Variants in FGFR1 observed in about 807,000 individuals in gnomAD.
FGFR1 encodes the protein fibroblast growth factor receptor 1.
FGFR1 carries 18 observed loss-of-function variants against 93.7 expected under a neutral mutation model. That is an observed-to-expected ratio of 0.19 (90% CI 0.13 to 0.28). The LOEUF is 0.28. Ranked by LOEUF, FGFR1 falls within the 10% of genes least tolerant of loss-of-function variation. The pLI is 1.00. For synonymous variants in FGFR1, 448 were observed against 429.3 expected, an observed-to-expected ratio of 1.04 and a Z score of -0.54; for missense variants, 731 against 1,080.4, an observed-to-expected ratio of 0.68 and a Z score of 4.53.
intron 7 of FGFR1, chr8:38,423,186 C>T: frequency 1.3e-6 from 1 of 778,606 alleles, no homozygotes; most frequent in Non-Finnish European, 2.4e-6. Context: ...CTGGAACAAA[C>T]CAACGACACA....
At chr8:38,453,945 G>A (rs1457520660) in intron 2 of FGFR1, among the ~76,000 whole-genome samples, 1 of 152,044 alleles carries the variant, frequency 6.6e-6, no homozygotes, top group Non-Finnish European at 1.5e-5. Context: ...AAACTCCTGG[G>A]CTCAAGTGAT....
intron 8 of FGFR1, among the ~76,000 whole-genome samples, chr8:38,421,273 C>T (rs769497970): frequency 6.6e-6 from 1 of 152,214 alleles, no homozygotes; most frequent in Non-Finnish European, 1.5e-5. Flanking sequence ...TGAGACAGGC[C>T]TTTCTGAAGG....
intron 12 of FGFR1, 31 bp downstream of exon 12, chr8:38,417,275 G>T (rs371405870): frequency 3.2e-6 from 5 of 1,543,990 alleles, no homozygotes; most frequent in Non-Finnish European, 4.5e-6. Context: ...CTCCCCGCTG[G>T]GCAGGGAAAG....
At chr8:38,443,989 G>A (rs1030611395) in intron 2 of FGFR1, among the ~76,000 whole-genome samples, 3 of 144,834 alleles carry the variant, frequency 2.1e-5, no homozygotes, top group Non-Finnish European at 4.5e-5. Context: ...GGAGGTGGAG[G>A]TTGCAGTGAG....
At chr8:38,460,342 C>T (rs187458861) in intron 1 of FGFR1, among the ~76,000 whole-genome samples, 17 of 152,274 alleles carry the variant, frequency 1.1e-4, no homozygotes, top group Admixed American at 5.9e-4. Context: ...CGAAAATACA[C>T]CTGATGCAGG....
chr8:38,462,623 T>G (rs1834659650), intron 1 of FGFR1, among the ~76,000 whole-genome samples: 1 of 152,046 alleles, frequency 6.6e-6, no homozygotes, highest in African/African-American at 2.4e-5. Context: ...TTCCTTTCTT[T>G]TTTTCTTTGA....
intron 2 of FGFR1, among the ~76,000 whole-genome samples, chr8:38,438,460 T>C (rs1198043369): frequency 7.3e-5 from 11 of 151,512 alleles, no homozygotes; most frequent in Admixed American, 7.2e-4. Context: ...GGAGAATCAC[T>C]TGAACCTAGG....
At chr8:38,447,136 C>T (rs1251238320) in intron 2 of FGFR1, among the ~76,000 whole-genome samples, 7 of 149,144 alleles carry the variant, frequency 4.7e-5, no homozygotes, top group Non-Finnish European at 1.0e-4. Context: ...CACACACACA[C>T]ACACACACAC....
At chr8:38,444,052 A>C (rs974048255) in intron 2 of FGFR1, among the ~76,000 whole-genome samples, 5 of 20,082 alleles carry the variant, frequency 2.5e-4, no homozygotes, top group African/African-American at 9.0e-4. Flanking sequence ...AAACTGTCTC[A>C]AAAAAAAAAA....
chr8:38,446,372 G>A lies in FGFR1; in HGVS notation c.91+10984C>T, dbSNP rs374998696. On this transcript the variant is annotated intron_variant, in intron 2 of 17. Transcript: ENST00000447712. ...ATTACAGGCGCCCGCCACCACACCC[G>A]GCTAGTTTTTTGTATTTTAGTAGAA... Among the ~76,000 whole-genome samples, 259 of 149,166 alleles carry A rather than the reference G, an allele frequency of 1.7e-3. 3 individuals carry two copies. The South Asian group carries it at 0.051, about 29-fold the overall frequency.
intron 13 of FGFR1, among the ~76,000 whole-genome samples, chr8:38,415,549 G>A (rs984063380): frequency 6.6e-6 from 1 of 150,584 alleles, no homozygotes; most frequent in Admixed American, 6.6e-5. Flanking sequence ...CAATCCTCCC[G>A]CCTTGGCCAC....
At position 38,417,325 on chromosome 8, in the gene FGFR1, C is replaced by T. The variant is rs2150625782; in HGVS notation, c.1644G>A (p.Leu548=). The change falls in exon 12 of 18, where the codon CTG becomes CTA. Residue 548 remains leucine, a synonymous_variant. Transcript: ENST00000447712. ...IGKHKNIINL[L]GACTQDGPLY... The stretch of plus-strand genomic sequence containing the variant: ...ACCCACCATCCTGCGTGCAGGCCCC[C>T]AGCAGGTTGATGATATTCTTATGCT... 1 of 1,613,568 alleles carries T rather than the reference C, an allele frequency of 6.2e-7. No homozygotes were observed. The highest frequency in any genetic ancestry group is 8.5e-7 in the Non-Finnish European group (1 of 1,179,928).
At chr8:38,444,469 G>A (rs1405172728) in intron 2 of FGFR1, among the ~76,000 whole-genome samples, 1 of 150,188 alleles carries the variant, frequency 6.7e-6, no homozygotes, top group Non-Finnish European at 1.5e-5. Flanking sequence ...GCTCACTGCA[G>A]CCTCCACCTC....
In FGFR1 at chr8:38,424,335, G is replaced by A. The variant is rs377618551; in HGVS notation, c.936+174C>T. On this transcript the variant is annotated intron_variant, in intron 7 of 17. Transcript: ENST00000447712. This position sits in a 1 kb window ranked among gnomAD's most constrained non-coding sequence, Gnocchi z 4.3. ...AGCTCACCTCCACTTTGTGACCTCT[G>A]TTACTAGTCCTGGGGGATGTGGCTA... is the stretch of plus-strand genomic sequence containing the variant. The A allele has an allele frequency of 2.6e-6, 2 of 770,500 alleles. No individual in the cohort carries two copies. Among genetic ancestry groups the A allele is most frequent in the Admixed American group, 2.0e-5 (1 of 49,942 alleles). The allele number at this position is 770,500 out of a possible 1,614,324, so 47.7% of individuals were successfully genotyped here.
chr8:38,417,213 C>T (rs1356626301), intron 12 of FGFR1, 93 bp downstream of exon 12: 21 of 973,614 alleles, frequency 2.2e-5, no homozygotes, highest in Non-Finnish European at 3.5e-5. Context: ...TAACCCCCTT[C>T]CCTAGCTGTG....
chr8:38,465,792 G>A, intron 1 of FGFR1: 1 of 217,668 alleles, frequency 4.6e-6, no homozygotes, highest in Non-Finnish European at 9.2e-6. Flanking sequence ...GGAGGAAAAT[G>A]GCCACTTTCT....
At chr8:38,446,637 G>C (rs1026279703) in intron 2 of FGFR1, among the ~76,000 whole-genome samples, 5 of 152,074 alleles carry the variant, frequency 3.3e-5, no homozygotes, top group African/African-American at 1.2e-4. Flanking sequence ...CGGGTCTTCT[G>C]AGCTCACTCT....
intron 7 of FGFR1, chr8:38,423,179 GAACA>G: frequency 1.3e-6 from 1 of 778,912 alleles, no homozygotes; most frequent in Non-Finnish European, 2.4e-6. Flanking sequence ...CCGAATGCTG[GAACA>G]AACCAACGAC....
At chr8:38,447,474 AGAT>A (rs1377078683) in intron 2 of FGFR1, among the ~76,000 whole-genome samples, 1 of 152,016 alleles carries the variant, frequency 6.6e-6, no homozygotes, top group African/African-American at 2.4e-5. Context: ...CAGAGTGTGG[AGAT>A]GATATTTATT....
Sources: allele counts gnomAD v4.1 joint callset (sites outside exome capture counted in the v4.1 genomes callset), GRCh38; gene constraint gnomAD v4.1.1; non-coding constraint Gnocchi (gnomAD v3.1); transcripts MANE v1.5; gene names NCBI Gene and HGNC (gene_info 2026-07-23, HGNC 2026-07-21).